GLIPR1L2: variants seen among roughly 807,000 people sequenced by gnomAD.
GLIPR1L2 encodes the protein GLIPR1 like 2.
GLIPR1L2 carries 21 observed loss-of-function variants against 28.4 expected under a neutral mutation model. That is an observed-to-expected ratio of 0.74 (90% CI 0.52 to 1.06). The LOEUF (loss-of-function observed/expected upper bound fraction) is 1.06, where lower values mean the gene tolerates loss of function less well. GLIPR1L2 is among the 50% of genes least tolerant of loss of function. The pLI, the probability that GLIPR1L2 is intolerant of heterozygous loss-of-function variation, is 0.00. For synonymous variants in GLIPR1L2, 145 were observed against 139.3 expected, an observed-to-expected ratio of 1.04 and a Z score of -0.29; for missense variants, 476 against 416.9, an observed-to-expected ratio of 1.14 and a Z score of -1.23.
chr12:75,391,477 T>G, intron 1 of GLIPR1L2, 127 bp downstream of exon 1: 1 of 1,554,474 alleles, frequency 6.4e-7, no homozygotes, highest in Non-Finnish European at 8.7e-7. Flanking sequence ...TTAGCTTGGT[T>G]TTTAAAGTAC....
intron 3 of GLIPR1L2, among the ~76,000 whole-genome samples, chr12:75,414,112 G>T (rs1403072139): frequency 6.6e-6 from 1 of 151,960 alleles, no homozygotes; most frequent in Non-Finnish European, 1.5e-5. Context: ...ACCTCTTGGA[G>T]ATTACATTAT....
intron 4 of GLIPR1L2, among the ~76,000 whole-genome samples, chr12:75,429,766 T>A (rs1053636797): frequency 1.3e-5 from 2 of 151,974 alleles, no homozygotes; most frequent in Non-Finnish European, 2.9e-5. Context: ...TCTCATAAGA[T>A]CTGGTGGTTT....
rs368867120 is a variant in GLIPR1L2 at position 75,393,448 on chromosome 12, TATTA to T, written c.234+2102_234+2105del. Among the ~76,000 whole-genome samples, 83 of 152,202 alleles carry T rather than the reference TATTA, an allele frequency of 5.5e-4. No individual in the cohort carries two copies. In the East Asian group the frequency reaches 0.015, roughly 28 times the overall value. On this transcript the variant is annotated intron_variant, in intron 1 of 5. Coordinates refer to ENST00000550916, the MANE Select transcript of GLIPR1L2 (RefSeq NM_001270396.2). ...CTATCACCATTCTACTTTCTATTCC[TATTA>T]ATTTGACTTCTTAAGGTACCAAATA...
At chr12:75,430,679 T>C in intron 4 of GLIPR1L2, 36 bp from the exon 5 acceptor site, 1 of 1,514,566 alleles carries the variant, frequency 6.6e-7, no homozygotes, top group Non-Finnish European at 8.8e-7. Flanking sequence ...AGAAGAAATT[T>C]TATGTAATTT....
intron 3 of GLIPR1L2, among the ~76,000 whole-genome samples, chr12:75,421,936 A>C (rs1405052121): frequency 1.3e-5 from 2 of 152,066 alleles, no homozygotes; most frequent in African/African-American, 4.8e-5. Context: ...TGGGCCAACC[A>C]GGAAGCAATT....
intron 1 of GLIPR1L2, among the ~76,000 whole-genome samples, chr12:75,397,679 A>C (rs1421540308): frequency 6.6e-6 from 1 of 152,200 alleles, no homozygotes; most frequent in Non-Finnish European, 1.5e-5. Flanking sequence ...ATGTAAGTAT[A>C]GTGTCCACTT....
At chr12:75,391,755 C>T (rs898210922) in intron 1 of GLIPR1L2, among the ~76,000 whole-genome samples, 1 of 152,076 alleles carries the variant, frequency 6.6e-6, no homozygotes, top group Non-Finnish European at 1.5e-5. Flanking sequence ...AAAACAAGTG[C>T]GACACTCTCA....
chr12:75,416,681 A>G (rs905559095), intron 3 of GLIPR1L2, among the ~76,000 whole-genome samples: 1 of 152,144 alleles, frequency 6.6e-6, no homozygotes, highest in Admixed American at 6.6e-5. Context: ...TAATAAGAAT[A>G]GTGAGTACAG....
At chr12:75,416,203 T>G (rs2045921929) in intron 3 of GLIPR1L2, among the ~76,000 whole-genome samples, 1 of 152,166 alleles carries the variant, frequency 6.6e-6, no homozygotes, top group Non-Finnish European at 1.5e-5. Context: ...TGGATGGTGA[T>G]TTCATTAACT....
At chr12:75,412,197 A>T (rs12301362) in intron 2 of GLIPR1L2, among the ~76,000 whole-genome samples, 2,223 of 151,600 alleles carry the variant, frequency 0.015, 62 homozygotes, top group African/African-American at 0.051. Context: ...CCTCTTTCTC[A>T]TCTTCCTCTC....
At chr12:75,404,796 G>A (rs1459275078) in intron 1 of GLIPR1L2, among the ~76,000 whole-genome samples, 1 of 152,038 alleles carries the variant, frequency 6.6e-6, no homozygotes, top group East Asian at 1.9e-4. Context: ...GAGATGCTAG[G>A]TAGCTTTGTT....
intron 1 of GLIPR1L2, 109 bp downstream of exon 1, chr12:75,391,459 C>G: frequency 6.3e-7 from 1 of 1,578,750 alleles, no homozygotes; most frequent in Non-Finnish European, 8.6e-7. Context: ...TCGCGGAGAA[C>G]CGCACTTTTA....
intron 1 of GLIPR1L2, among the ~76,000 whole-genome samples, chr12:75,402,346 C>T (rs1405705546): frequency 6.6e-6 from 1 of 151,900 alleles, no homozygotes; most frequent in Non-Finnish European, 1.5e-5. Context: ...AGATAATTTC[C>T]AATGATATTA....
chr12:75,407,028 C>T (rs1044600220), intron 1 of GLIPR1L2, among the ~76,000 whole-genome samples: 25 of 152,052 alleles, frequency 1.6e-4, no homozygotes, highest in Admixed American at 1.3e-3. Context: ...ATCCCCTCCC[C>T]TTGAGCTCTA....
intron 3 of GLIPR1L2, among the ~76,000 whole-genome samples, chr12:75,414,135 G>T (rs774745381): frequency 4.6e-5 from 7 of 151,948 alleles, no homozygotes; most frequent in Non-Finnish European, 7.4e-5. Flanking sequence ...ACTGGGACCT[G>T]TCTTATATGT....
intron 1 of GLIPR1L2, among the ~76,000 whole-genome samples, chr12:75,409,409 TA>T (rs2045838033): frequency 6.6e-6 from 1 of 151,812 alleles, no homozygotes; most frequent in African/African-American, 2.4e-5. Flanking sequence ...TAAATGATGA[TA>T]AAAGCACACA....
intron 1 of GLIPR1L2, among the ~76,000 whole-genome samples, chr12:75,405,354 C>T (rs536571490): frequency 1.8e-4 from 28 of 152,140 alleles, no homozygotes; most frequent in African/African-American, 6.7e-4. Context: ...AGAGGACAAA[C>T]GCAGAAGTGA....
rs1327520580 is a variant in GLIPR1L2 at position 75,430,995 on chromosome 12, C to T, written c.869C>T (p.Thr290Ile). 2 of 1,534,366 alleles carry T rather than the reference C, an allele frequency of 1.3e-6. No individual in the cohort carries two copies. Among genetic ancestry groups the T allele is most frequent in the South Asian group, 2.4e-5 (2 of 83,948 alleles). The change falls in exon 6 of 6, where the codon ACC becomes ATC. Residue 290 changes from threonine (T) to isoleucine (I), a missense_variant. Thr to Ile is a moderately conservative substitution (Grantham distance 89). Coordinates refer to ENST00000550916, the MANE Select transcript of GLIPR1L2 (RefSeq NM_001270396.2). Reference sequence around the variant, plus strand: ...TTGTTGGAACAACAAATGATATTTACCCCTGAGGAATCTGAAGCAGGGAAT... The same window carrying T: ...TTGTTGGAACAACAAATGATATTTATCCCTGAGGAATCTGAAGCAGGGAAT... The part of the protein sequence containing the change: ...NILLEQQMIF[T>I]PEESEAGNEE...
At chr12:75,416,296 A>G (rs2045922965) in intron 3 of GLIPR1L2, among the ~76,000 whole-genome samples, 1 of 152,162 alleles carries the variant, frequency 6.6e-6, no homozygotes, top group Non-Finnish European at 1.5e-5. Context: ...AATCATGAGA[A>G]GCAGATAGCC....
Sources: gnomAD v4.1 joint callset for allele counts (sites outside exome capture counted in the v4.1 genomes callset) on GRCh38, gnomAD v4.1.1 for gene constraint, MANE v1.5 for transcripts, NCBI Gene and HGNC (gene_info 2026-07-23, HGNC 2026-07-21) for gene names.